RP1: variants seen among roughly 807,000 people sequenced by gnomAD.
RP1 encodes the protein oxygen-regulated protein 1.
In RP1, 16 loss-of-function variants were observed where a neutral mutation model predicts 14.8. That is an observed-to-expected ratio of 1.08 (90% CI 0.73 to 1.65). RP1 has a LOEUF of 1.65. Among genes scored for constraint, RP1 ranks in the 40% most tolerant of loss-of-function variants. RP1 has a pLI of 0.00. For missense variants in RP1, 2,631 were observed against 2,535.0 expected, an observed-to-expected ratio of 1.04 and a Z score of -0.81; for synonymous variants, 876 against 883.6, an observed-to-expected ratio of 0.99 and a Z score of 0.15.
chr8:54,762,088 G>T (rs773095780), intron 22 of RP1, among the ~76,000 whole-genome samples: 3 of 152,154 alleles, frequency 2.0e-5, no homozygotes, highest in African/African-American at 7.2e-5. Context: ...CAGTCCTGGC[G>T]GGGGAGCTGG....
intron 24 of RP1, among the ~76,000 whole-genome samples, chr8:54,819,351 T>C (rs1045171064): frequency 1.3e-5 from 2 of 152,122 alleles, no homozygotes; most frequent in African/African-American, 4.8e-5. Context: ...TCTGATAGGA[T>C]ACTGAATTCC....
At chr8:54,637,553 G>A (rs1806376048) in intron 3 of RP1, among the ~76,000 whole-genome samples, 1 of 152,060 alleles carries the variant, frequency 6.6e-6, no homozygotes, top group Non-Finnish European at 1.5e-5. Flanking sequence ...CCACTCCAGA[G>A]GCATCTTTCT....
intron 1 of RP1, among the ~76,000 whole-genome samples, chr8:54,592,107 C>T (rs1267385466): frequency 6.6e-6 from 1 of 152,214 alleles, no homozygotes; most frequent in African/African-American, 2.4e-5. Flanking sequence ...CAACCCACCA[C>T]AAGGATATAT....
At chr8:54,634,558 A>G (rs1806312116), downstream of RP1, among the ~76,000 whole-genome samples, 1 of 152,220 alleles carries the variant, frequency 6.6e-6, no homozygotes, top group African/African-American at 2.4e-5. Context: ...GGTATTTCAC[A>G]GTTTTTTTCC....
chr8:54,744,061 A>C (rs1301230769), intron 19 of RP1, among the ~76,000 whole-genome samples: 2 of 152,186 alleles, frequency 1.3e-5, no homozygotes, highest in Non-Finnish European at 2.9e-5. Flanking sequence ...GTTTAACAGC[A>C]TTTCCAAAAC....
chr8:54,701,727 C>T, intron 14 of RP1: 1 of 1,422,462 alleles, frequency 7.0e-7, no homozygotes, highest in African/African-American at 1.4e-5. Context: ...CCCTATTGAG[C>T]AAAAGTCTTA....
chr8:54,703,317 C>T (rs890296934), intron 14 of RP1, among the ~76,000 whole-genome samples: 5 of 152,156 alleles, frequency 3.3e-5, no homozygotes, highest in Non-Finnish European at 4.4e-5. Context: ...ATTGTGTTAG[C>T]AGGCATGAAA....
At chr8:54,679,139 G>A (rs1383325546) in intron 9 of RP1, among the ~76,000 whole-genome samples, 1 of 152,094 alleles carries the variant, frequency 6.6e-6, no homozygotes, top group Non-Finnish European at 1.5e-5. Flanking sequence ...TAACATCTAC[G>A]ACTTTGACAG....
chr8:54,867,503 G>A (rs1049438814), intron 28 of RP1, among the ~76,000 whole-genome samples: 8 of 152,116 alleles, frequency 5.3e-5, no homozygotes, highest in African/African-American at 1.9e-4. Flanking sequence ...AGCTCTGGGA[G>A]CCTCAGTTTA....
intron 22 of RP1, among the ~76,000 whole-genome samples, chr8:54,768,775 A>G (rs1270352511): frequency 6.6e-6 from 1 of 152,178 alleles, no homozygotes; most frequent in Non-Finnish European, 1.5e-5. Flanking sequence ...TTTCTTCAAA[A>G]GGGAGCTTCT....
chr8:54,867,751 A>C (rs936779758), intron 28 of RP1, among the ~76,000 whole-genome samples: 2 of 152,186 alleles, frequency 1.3e-5, no homozygotes, highest in African/African-American at 2.4e-5. Flanking sequence ...AGAACTCTCA[A>C]ATAATTGACT....
chr8:54,765,503 G>A (rs1224330801), intron 22 of RP1, among the ~76,000 whole-genome samples: 2 of 152,212 alleles, frequency 1.3e-5, no homozygotes, highest in Non-Finnish European at 2.9e-5. Flanking sequence ...TTACACCTAG[G>A]CCAGCTCTGC....
chr8:54,802,957 T>C (rs947106491), intron 24 of RP1, among the ~76,000 whole-genome samples: 14 of 152,170 alleles, frequency 9.2e-5, no homozygotes, highest in Admixed American at 6.5e-5. Context: ...GCAAGGTAGC[T>C]TACTAAGCTC....
chr8:54,778,623 A>G (rs1810104191), intron 23 of RP1, among the ~76,000 whole-genome samples: 1 of 152,126 alleles, frequency 6.6e-6, no homozygotes, highest in Non-Finnish European at 1.5e-5. Flanking sequence ...ATGCCCAGCC[A>G]TGTTAATGCT....
intron 24 of RP1, among the ~76,000 whole-genome samples, chr8:54,829,881 G>A (rs757577244): frequency 2.6e-5 from 4 of 152,032 alleles, no homozygotes; most frequent in African/African-American, 9.7e-5. Context: ...TCTGGGGAGG[G>A]GGAAAGGACA....
Position 54,630,811 on chromosome 8 carries a change from T to G in RP1, c.*458T>G. ...TGATAAAAAGTATGATTATAAGATA[T>G]CCACGACAATCTCATAGTTTCTTGT... On this transcript the variant is annotated 3_prime_UTR_variant, in exon 4 of 4. Transcript: ENST00000220676. 1.0e-6 allele frequency: 1 copy of G among 999,484 alleles called. No homozygotes were observed. Among genetic ancestry groups the G allele is most frequent in the Non-Finnish European group, 1.2e-6 (1 of 838,756 alleles). The allele number at this position is 999,484 out of a possible 1,614,324, so 61.9% of individuals were successfully genotyped here.
intron 1 of RP1, among the ~76,000 whole-genome samples, chr8:54,577,994 A>G (rs1804697884): frequency 2.0e-5 from 3 of 152,010 alleles, no homozygotes; most frequent in South Asian, 4.2e-4. Flanking sequence ...CATGTGCACA[A>G]TGTGCAGGTT....
At chr8:54,799,808 C>T (rs556159424) in intron 24 of RP1, among the ~76,000 whole-genome samples, 31 of 151,892 alleles carry the variant, frequency 2.0e-4, no homozygotes, top group Non-Finnish European at 3.1e-4. Flanking sequence ...TGTTGTCATA[C>T]ATTTCACCTT....
chr8:54,782,845 T>G (rs781239411), intron 23 of RP1, among the ~76,000 whole-genome samples: 1 of 152,162 alleles, frequency 6.6e-6, no homozygotes. Flanking sequence ...AGCCTTTCTG[T>G]GCTCTCAGTA....
Sources: allele counts gnomAD v4.1 joint callset (sites outside exome capture counted in the v4.1 genomes callset), GRCh38; gene constraint gnomAD v4.1.1; transcripts MANE v1.5; gene names NCBI Gene and HGNC (gene_info 2026-07-23, HGNC 2026-07-21).